The following FBXL7 variants were observed in gnomAD, a reference collection of about 807,000 sequenced individuals.
FBXL7 encodes F-box/LRR-repeat protein 7.
FBXL7 carries 12 observed loss-of-function variants against 38.3 expected under a neutral mutation model. That is an observed-to-expected ratio of 0.31 (90% CI 0.20 to 0.51). The LOEUF is 0.51. Ranked by LOEUF, FBXL7 falls within the 20% of genes least tolerant of loss-of-function variation. The pLI is 0.98. For synonymous variants in FBXL7, 297 were observed against 300.9 expected (o/e 0.99, Z 0.13); for missense variants, 567 against 676.4 (o/e 0.84, Z 1.79).
intron 2 of FBXL7, among the ~76,000 whole-genome samples, chr5:15,785,015 G>A (rs1274209032): frequency 6.6e-6 from 1 of 152,156 alleles, no homozygotes; most frequent in East Asian, 1.9e-4. Flanking sequence ...AGGGTTGGGT[G>A]TAGCTATCAT....
intron 2 of FBXL7, among the ~76,000 whole-genome samples, chr5:15,654,538 A>G (rs1258819088): frequency 2.0e-5 from 3 of 151,976 alleles, no homozygotes; most frequent in Non-Finnish European, 4.4e-5. Context: ...CTGTTTTAAT[A>G]TGTTTGATGT....
intron 2 of FBXL7, among the ~76,000 whole-genome samples, chr5:15,740,243 T>C (rs564782688): frequency 5.9e-5 from 9 of 152,324 alleles, no homozygotes; most frequent in African/African-American, 1.9e-4. Flanking sequence ...TCTTAACTTC[T>C]AGCCTATGGA....
At chr5:15,546,524 G>A (rs946157576) in intron 1 of FBXL7, among the ~76,000 whole-genome samples, 2 of 152,070 alleles carry the variant, frequency 1.3e-5, no homozygotes, top group African/African-American at 2.4e-5. Flanking sequence ...CTGAGATGGC[G>A]CCATTGCACT....
At position 15,937,389 on chromosome 5, in the gene FBXL7, A is replaced by T. The variant is rs1742227323; in HGVS notation, c.*203A>T. The T allele has an allele frequency of 7.8e-6, 5 of 638,648 alleles. No individual in the cohort carries two copies. The highest frequency in any genetic ancestry group is 1.8e-5 in the African/African-American group (1 of 54,692). 39.6% of individuals were successfully genotyped at this position (638,648 alleles called of 1,614,324 possible). ...GAAGCAAGACAAACAGCAAACAGGC[A>T]TTTTGGTCAGGTCATTTGTAGGCAG... On this transcript the variant is annotated 3_prime_UTR_variant, in exon 4 of 4. Transcript: ENST00000504595.
At chr5:15,618,548 G>A (rs1007678932) in intron 2 of FBXL7, among the ~76,000 whole-genome samples, 13 of 152,098 alleles carry the variant, frequency 8.5e-5, no homozygotes, top group Non-Finnish European at 1.9e-4. Context: ...TTTCAATATG[G>A]ATCCAGAGTA....
intron 2 of FBXL7, among the ~76,000 whole-genome samples, chr5:15,709,734 A>T (rs1373240008): frequency 6.6e-6 from 1 of 152,114 alleles, no homozygotes; most frequent in African/African-American, 2.4e-5. Flanking sequence ...ATTTATAAAG[A>T]ATAAAAATGT....
chr5:15,887,379 T>C (rs1740721337), intron 2 of FBXL7, among the ~76,000 whole-genome samples: 1 of 152,150 alleles, frequency 6.6e-6, no homozygotes, highest in Non-Finnish European at 1.5e-5. Flanking sequence ...AGCAGGAGAA[T>C]GGATGATCCC....
chr5:15,930,556 C>T (rs945148612), intron 3 of FBXL7, among the ~76,000 whole-genome samples: 9 of 152,124 alleles, frequency 5.9e-5, no homozygotes, highest in South Asian at 2.1e-4. Flanking sequence ...GAAATTCTTG[C>T]GCTTCTAGCC....
chr5:15,865,366 C>T (rs914189837), intron 2 of FBXL7, among the ~76,000 whole-genome samples: 2 of 152,132 alleles, frequency 1.3e-5, no homozygotes, highest in African/African-American at 4.8e-5. Flanking sequence ...GAGAAAACAG[C>T]TTAAAAGCAA....
At chr5:15,673,527 A>T (rs1019377500) in intron 2 of FBXL7, among the ~76,000 whole-genome samples, 8 of 152,132 alleles carry the variant, frequency 5.3e-5, no homozygotes, top group Non-Finnish European at 1.0e-4. Context: ...ACACATTTTT[A>T]AGCAGGCGTT....
At chr5:15,932,182 A>C (rs1742054015) in intron 3 of FBXL7, among the ~76,000 whole-genome samples, 1 of 152,204 alleles carries the variant, frequency 6.6e-6, no homozygotes, top group African/African-American at 2.4e-5. Flanking sequence ...AACAGTTAAA[A>C]ATTCCTCATC....
chr5:15,664,007 C>T (rs1282960387), intron 2 of FBXL7, among the ~76,000 whole-genome samples: 3 of 152,094 alleles, frequency 2.0e-5, no homozygotes, highest in Admixed American at 2.0e-4. Flanking sequence ...CTTGTTTCCT[C>T]ATAATCCTGT....
At chr5:15,652,952 C>T (rs1005740500) in intron 2 of FBXL7, among the ~76,000 whole-genome samples, 20 of 152,190 alleles carry the variant, frequency 1.3e-4, no homozygotes, top group African/African-American at 4.6e-4. Context: ...GTGATTATTA[C>T]ACATTGTATG....
At chr5:15,859,549 T>C (rs1396347665) in intron 2 of FBXL7, among the ~76,000 whole-genome samples, 11 of 152,148 alleles carry the variant, frequency 7.2e-5, no homozygotes, top group Non-Finnish European at 1.6e-4. Flanking sequence ...CTCACAATCA[T>C]GGCAGAAGGC....
At chr5:15,912,889 G>A (rs1741475975) in intron 2 of FBXL7, among the ~76,000 whole-genome samples, 1 of 152,106 alleles carries the variant, frequency 6.6e-6, no homozygotes, top group African/African-American at 2.4e-5. Flanking sequence ...TAGGCCCAGG[G>A]AACTACCCAT....
chr5:15,675,424 G>C (rs1742621156), intron 2 of FBXL7, among the ~76,000 whole-genome samples: 3 of 152,180 alleles, frequency 2.0e-5, no homozygotes, highest in African/African-American at 7.2e-5. Context: ...AGATATACTG[G>C]AACAAAGTGT....
intron 1 of FBXL7, among the ~76,000 whole-genome samples, chr5:15,556,320 A>C (rs1738238150): frequency 6.6e-6 from 1 of 152,038 alleles, no homozygotes; most frequent in South Asian, 2.1e-4. Flanking sequence ...TCTGAGCCCA[A>C]GCAGCCAGGC....
chr5:15,774,287 C>T (rs1003368086), intron 2 of FBXL7, among the ~76,000 whole-genome samples: 4 of 152,064 alleles, frequency 2.6e-5, no homozygotes, highest in Admixed American at 6.6e-5. Flanking sequence ...TTGGGTCTAC[C>T]GGGATAATCC....
At chr5:15,882,244 C>T (rs1740486056) in intron 2 of FBXL7, among the ~76,000 whole-genome samples, 1 of 152,160 alleles carries the variant, frequency 6.6e-6, no homozygotes, top group Non-Finnish European at 1.5e-5. Flanking sequence ...TTATCACTAG[C>T]TTTACTTCTG....
Sources: allele counts gnomAD v4.1 joint callset (sites outside exome capture counted in the v4.1 genomes callset), GRCh38; gene constraint gnomAD v4.1.1; transcripts MANE v1.5; gene names NCBI Gene and HGNC (gene_info 2026-07-23, HGNC 2026-07-21).